ESRRG: variants seen among roughly 807,000 people sequenced by gnomAD.
ESRRG encodes the protein estrogen related receptor gamma.
ESRRG carries 13 observed loss-of-function variants against 44.0 expected under a neutral mutation model. The ratio of observed to expected loss-of-function variants is 0.30; its 90% CI spans 0.19 to 0.47. The LOEUF is 0.47. ESRRG is among the 20% of genes least tolerant of loss of function. The probability of loss-of-function intolerance (pLI) is 1.00; values close to 1 mark genes in which losing one functional copy is unlikely to be tolerated. For synonymous variants in ESRRG, 215 were observed against 214.6 expected (o/e 1.00, Z -0.02); for missense variants, 395 against 580.6 (o/e 0.68, Z 3.29).
intron 1 of ESRRG, among the ~76,000 whole-genome samples, chr1:216,691,604 A>C (rs1289489482): frequency 6.6e-6 from 1 of 152,186 alleles, no homozygotes; most frequent in East Asian, 1.9e-4. Context: ...CAGCTAATTC[A>C]TGTTTTCCTG....
intron 1 of ESRRG, among the ~76,000 whole-genome samples, chr1:217,037,364 T>C (rs969958715): frequency 1.3e-5 from 2 of 152,292 alleles, no homozygotes; most frequent in South Asian, 4.1e-4. Context: ...TTCACAATTA[T>C]GGTGGAGGGC....
chr1:216,833,040 G>A (rs774129237), intron 2 of ESRRG, among the ~76,000 whole-genome samples: 2 of 150,670 alleles, frequency 1.3e-5, no homozygotes, highest in Non-Finnish European at 3.0e-5. Flanking sequence ...TTTCTCTGTA[G>A]GACACCCAAA....
At chr1:216,601,939 G>T (rs1339113178) in intron 3 of ESRRG, among the ~76,000 whole-genome samples, 1 of 152,104 alleles carries the variant, frequency 6.6e-6, no homozygotes, top group Non-Finnish European at 1.5e-5. Flanking sequence ...TAGGGCCTTT[G>T]GGAGCGTTAT....
chr1:217,079,269 T>C (rs1380090657), intron 1 of ESRRG, among the ~76,000 whole-genome samples: 1 of 152,258 alleles, frequency 6.6e-6, no homozygotes. Context: ...TCTGTCTCTA[T>C]GACAAGTCCA....
At chr1:216,792,848 T>C (rs1031600398) in intron 2 of ESRRG, among the ~76,000 whole-genome samples, 3 of 152,140 alleles carry the variant, frequency 2.0e-5, no homozygotes, top group Admixed American at 6.6e-5. Flanking sequence ...AGGGGACTCA[T>C]TCAATATAGC....
At chr1:216,710,799 G>A (rs976164318) in intron 1 of ESRRG, among the ~76,000 whole-genome samples, 3 of 151,836 alleles carry the variant, frequency 2.0e-5, no homozygotes, top group East Asian at 1.9e-4. Context: ...CACTGCATGC[G>A]CCTAATAGCA....
At chr1:216,526,494 C>T (rs1215823120) in intron 5 of ESRRG, among the ~76,000 whole-genome samples, 1 of 152,114 alleles carries the variant, frequency 6.6e-6, no homozygotes, top group Non-Finnish European at 1.5e-5. Flanking sequence ...AAGCATGGAC[C>T]AGACTAGCCT....
intron 2 of ESRRG, among the ~76,000 whole-genome samples, chr1:216,792,901 T>C (rs867848417): frequency 2.6e-5 from 4 of 152,278 alleles, no homozygotes; most frequent in Middle Eastern, 3.4e-3. Flanking sequence ...GGCACCATGA[T>C]CCCTTAGTGA....
intron 1 of ESRRG, among the ~76,000 whole-genome samples, chr1:217,033,565 A>T (rs571586280): frequency 3.5e-4 from 53 of 152,312 alleles, no homozygotes; most frequent in African/African-American, 1.2e-3. Flanking sequence ...GATTGTGGTG[A>T]TGGTTATACA....
At chr1:216,990,829 G>C (rs920828674) in intron 1 of ESRRG, among the ~76,000 whole-genome samples, 1 of 152,164 alleles carries the variant, frequency 6.6e-6, no homozygotes, top group Admixed American at 6.6e-5. Context: ...TAGTAGTTAA[G>C]TTTAGAGGAG....
In ESRRG at chr1:217,120,054, T is replaced by C. The variant is rs557421277; in HGVS notation, c.-230+17613A>G. On this transcript the variant is annotated intron_variant, in intron 1 of 8. Coordinates refer to the ESRRG transcript ENST00000366940. Reference sequence around the variant, plus strand: ...TCACAGTCTAATAAAAAGAAACATATACAAAAGTGATCACAAAGTATATGA... The same window carrying C: ...TCACAGTCTAATAAAAAGAAACATACACAAAAGTGATCACAAAGTATATGA... 1.6e-3 allele frequency among the ~76,000 whole-genome samples: 245 copies of C among 152,292 alleles called. 1 individual carries two copies. Among genetic ancestry groups the C allele is most frequent in the African/African-American group, 5.4e-3 (224 of 41,576 alleles).
intron 1 of ESRRG, among the ~76,000 whole-genome samples, chr1:217,098,101 T>C (rs1477447800): frequency 6.6e-6 from 1 of 152,164 alleles, no homozygotes; most frequent in African/African-American, 2.4e-5. Context: ...GTTAATTTCA[T>C]GGACTGGAGC....
At chr1:217,069,223 T>G (rs1206119028) in intron 1 of ESRRG, among the ~76,000 whole-genome samples, 3 of 152,126 alleles carry the variant, frequency 2.0e-5, no homozygotes, top group Non-Finnish European at 4.4e-5. Flanking sequence ...AGTCTACATC[T>G]TTCTTCCGTG....
chr1:216,827,661 C>T (rs759355178), intron 2 of ESRRG, among the ~76,000 whole-genome samples: 9 of 152,176 alleles, frequency 5.9e-5, no homozygotes, highest in Admixed American at 2.6e-4. Flanking sequence ...TTCTATCTCA[C>T]GAATTGGTCA....
intron 1 of ESRRG, among the ~76,000 whole-genome samples, chr1:217,133,001 G>A (rs187088081): frequency 8.9e-4 from 135 of 152,180 alleles, no homozygotes; most frequent in African/African-American, 2.9e-3. Flanking sequence ...ATCTTTACTC[G>A]CAAGGAGAAA....
At chr1:217,061,994 G>A (rs971819652) in intron 1 of ESRRG, among the ~76,000 whole-genome samples, 1 of 152,046 alleles carries the variant, frequency 6.6e-6, no homozygotes, top group African/African-American at 2.4e-5. Flanking sequence ...ACCTATGTTT[G>A]CTTCTAGTTA....
chr1:216,809,692 G>T, intron 2 of ESRRG, among the ~76,000 whole-genome samples: 1 of 151,960 alleles, frequency 6.6e-6, no homozygotes, highest in South Asian at 2.1e-4. Flanking sequence ...GGAAAGCAAC[G>T]TCTTCACCAG....
At chr1:216,516,779 A>G (rs530612464) in intron 6 of ESRRG, among the ~76,000 whole-genome samples, 4 of 152,192 alleles carry the variant, frequency 2.6e-5, no homozygotes, top group African/African-American at 9.6e-5. Context: ...CCTACATTGG[A>G]TCTAAGCAAG....
At chr1:216,713,290 C>T (rs974146512) in intron 1 of ESRRG, among the ~76,000 whole-genome samples, 1 of 150,248 alleles carries the variant, frequency 6.7e-6, no homozygotes, top group South Asian at 2.1e-4. Flanking sequence ...TTAAGATGGA[C>T]TATTACTTGG....
Sources: allele counts gnomAD v4.1 joint callset (sites outside exome capture counted in the v4.1 genomes callset), GRCh38; gene constraint gnomAD v4.1.1; transcripts MANE v1.5; gene names NCBI Gene and HGNC (gene_info 2026-07-23, HGNC 2026-07-21).